The following CSMD3 variants were observed in gnomAD, a reference collection of about 807,000 sequenced individuals.
CSMD3 encodes the protein CUB and sushi domain-containing protein 3.
In CSMD3, 177 loss-of-function variants were observed where a neutral mutation model predicts 435.2. The observed-to-expected ratio is 0.41, with a 90% confidence interval of 0.36 to 0.46. The LOEUF is 0.46. Ranked by LOEUF, CSMD3 falls within the 20% of genes least tolerant of loss-of-function variation. CSMD3 has a pLI of 0.34. For synonymous variants in CSMD3, 1,656 were observed against 1,520.5 expected, an observed-to-expected ratio of 1.09 and a Z score of -2.07; for missense variants, 4,265 against 4,504.6, an observed-to-expected ratio of 0.95 and a Z score of 1.52.
intron 1 of CSMD3, among the ~76,000 whole-genome samples, chr8:113,376,355 T>C (rs118066476): frequency 1.9e-3 from 288 of 152,232 alleles, no homozygotes; most frequent in Non-Finnish European, 3.0e-3. Flanking sequence ...TATGAGGGTA[T>C]TTAAAAGTAA....
chr8:112,890,160 G>A (rs986314058), intron 10 of CSMD3, among the ~76,000 whole-genome samples: 3 of 151,562 alleles, frequency 2.0e-5, no homozygotes, highest in African/African-American at 7.3e-5. Flanking sequence ...CAACATCAGG[G>A]AGAAATAAAA....
At chr8:112,578,341 A>T (rs940339724) in intron 23 of CSMD3, among the ~76,000 whole-genome samples, 1 of 152,000 alleles carries the variant, frequency 6.6e-6, no homozygotes, top group East Asian at 1.9e-4. Flanking sequence ...TTTTTGTTAT[A>T]TAATAGAGTT....
intron 3 of CSMD3, among the ~76,000 whole-genome samples, chr8:113,240,165 C>T (rs2093197894): frequency 6.6e-6 from 1 of 152,030 alleles, no homozygotes; most frequent in East Asian, 1.9e-4. Context: ...CCATCCATGT[C>T]CTCCTTTCAA....
At chr8:112,545,565 A>C (rs1335636510) in intron 27 of CSMD3, among the ~76,000 whole-genome samples, 1 of 151,028 alleles carries the variant, frequency 6.6e-6, no homozygotes, top group East Asian at 1.9e-4. Flanking sequence ...AGAATGGGTG[A>C]CCTGTTCATA....
At chr8:112,743,108 GTGTATT>G (rs1309153780) in intron 13 of CSMD3, among the ~76,000 whole-genome samples, 1 of 152,034 alleles carries the variant, frequency 6.6e-6, no homozygotes, top group African/African-American at 2.4e-5. Flanking sequence ...ACACATGTGA[GTGTATT>G]TGTGTGTGAC....
intron 22 of CSMD3, among the ~76,000 whole-genome samples, chr8:112,614,788 T>A (rs1330143545): frequency 1.3e-5 from 2 of 152,160 alleles, no homozygotes; most frequent in Non-Finnish European, 2.9e-5. Flanking sequence ...GGATCCGTTA[T>A]CAGGATTGGA....
intron 70 of CSMD3, among the ~76,000 whole-genome samples, chr8:112,228,282 G>T (rs1812765860): frequency 6.6e-6 from 1 of 152,108 alleles, no homozygotes; most frequent in African/African-American, 2.4e-5. Context: ...AACAGAAGAT[G>T]AATGAGAAGA....
chr8:112,954,928 T>G (rs1216770619), intron 7 of CSMD3, among the ~76,000 whole-genome samples, 167 bp from the exon 8 acceptor site: 1 of 151,616 alleles, frequency 6.6e-6, no homozygotes, highest in Non-Finnish European at 1.5e-5. Context: ...AATCACTTAG[T>G]AGTAAAATAC....
At chr8:112,721,236 G>C (rs137954850) in intron 13 of CSMD3, among the ~76,000 whole-genome samples, 1 of 152,078 alleles carries the variant, frequency 6.6e-6, no homozygotes. Context: ...ATGAAAAACT[G>C]AATCTATGTG....
chr8:113,107,159 T>A (rs1053608868), intron 4 of CSMD3, among the ~76,000 whole-genome samples: 4 of 152,186 alleles, frequency 2.6e-5, no homozygotes, highest in African/African-American at 9.6e-5. Flanking sequence ...GCAAAGAGCA[T>A]CATGCAAGTC....
intron 12 of CSMD3, among the ~76,000 whole-genome samples, chr8:112,811,450 G>C (rs2079226007): frequency 6.6e-6 from 1 of 152,050 alleles, no homozygotes; most frequent in Non-Finnish European, 1.5e-5. Context: ...CCTTCTTAGA[G>C]GCCTTGGAGC....
chr8:112,299,958 A>G (rs1820749010), intron 53 of CSMD3, among the ~76,000 whole-genome samples: 1 of 151,516 alleles, frequency 6.6e-6, no homozygotes, highest in East Asian at 1.9e-4. Context: ...GGTGAATAAA[A>G]CCACATACTA....
At chr8:112,283,646 T>C (rs188270418) in intron 58 of CSMD3, among the ~76,000 whole-genome samples, 69 of 151,802 alleles carry the variant, frequency 4.5e-4, no homozygotes, top group Non-Finnish European at 5.5e-4. Flanking sequence ...TAAAGTTTAG[T>C]AACTGTATGG....
chr8:113,039,510 T>A (rs928196013), intron 5 of CSMD3, among the ~76,000 whole-genome samples: 1 of 152,182 alleles, frequency 6.6e-6, no homozygotes, highest in Non-Finnish European at 1.5e-5. Flanking sequence ...CATTTATTTA[T>A]ATAAAACATT....
intron 5 of CSMD3, among the ~76,000 whole-genome samples, chr8:113,070,940 A>G (rs1036563028): frequency 5.3e-5 from 8 of 151,998 alleles, no homozygotes; most frequent in Non-Finnish European, 1.2e-4. Context: ...TTCCACCAAC[A>G]CTTACAAGAA....
intron 57 of CSMD3, among the ~76,000 whole-genome samples, chr8:112,288,032 A>AAGAGAGAGAGAGAG (rs143895303): frequency 1.5e-4 from 22 of 149,716 alleles, no homozygotes; most frequent in African/African-American, 5.1e-4. Flanking sequence ...GCTAGAGAGA[A>AAGAGAGAGAGAGAG]AGAGAGAGAG....
At chr8:113,099,735 C>T (rs1344411956) in intron 4 of CSMD3, among the ~76,000 whole-genome samples, 1 of 151,970 alleles carries the variant, frequency 6.6e-6, no homozygotes, top group Non-Finnish European at 1.5e-5. Context: ...TAGGAACTAG[C>T]AGCGTGGTTA....
At position 112,886,664 on chromosome 8, in the gene CSMD3, T is replaced by C. The variant is rs528576081; in HGVS notation, c.1634-27398A>G. Among the ~76,000 whole-genome samples, 4 of 151,382 alleles carry C rather than the reference T, an allele frequency of 2.6e-5. No individual in the cohort carries two copies. In the South Asian group the frequency reaches 6.2e-4, roughly 24 times the overall value. ...GCAAAACAACAAAACATAGCACCTGTGAGATAAATATAGTTGTCCTATTAT... is the reference window on the plus strand; with the variant it reads ...GCAAAACAACAAAACATAGCACCTGCGAGATAAATATAGTTGTCCTATTAT... On this transcript the variant is annotated intron_variant, in intron 10 of 70. Coordinates refer to ENST00000297405, the MANE Select transcript of CSMD3 (RefSeq NM_198123.2).
chr8:112,353,629 A>G (rs1235746883), intron 38 of CSMD3, among the ~76,000 whole-genome samples: 1 of 152,076 alleles, frequency 6.6e-6, no homozygotes, highest in Non-Finnish European at 1.5e-5. Flanking sequence ...CCTTGCAAAC[A>G]CACAACCTCC....
Sources: allele counts gnomAD v4.1 joint callset (sites outside exome capture counted in the v4.1 genomes callset), GRCh38; gene constraint gnomAD v4.1.1; transcripts MANE v1.5; gene names NCBI Gene and HGNC (gene_info 2026-07-23, HGNC 2026-07-21).